Variants in SAMMSON observed in about 807,000 individuals in gnomAD.
SAMMSON encodes long intergenic non-protein coding RNA 1212.
chr3:70,388,402 A>G (rs879475622), intron 9 of SAMMSON, among the ~76,000 whole-genome samples: 1 of 151,834 alleles, frequency 6.6e-6, no homozygotes, highest in Non-Finnish European at 1.5e-5. Flanking sequence ...ACCCTTCTCT[A>G]AAAAAAACAG....
intron 2 of SAMMSON, among the ~76,000 whole-genome samples, chr3:70,413,414 A>G (rs914230109): frequency 1.3e-5 from 2 of 152,158 alleles, no homozygotes; most frequent in Non-Finnish European, 2.9e-5. Flanking sequence ...ATGCAAAGTC[A>G]CCCTGAAAAG....
intron 6 of SAMMSON, among the ~76,000 whole-genome samples, chr3:70,282,363 G>A (rs1702094352): frequency 1.3e-5 from 2 of 152,138 alleles, no homozygotes; most frequent in Admixed American, 6.5e-5. Flanking sequence ...ATGCTAATGT[G>A]TCTTAAACCT....
In SAMMSON at chr3:70,287,572, T is replaced by C. The variant is rs991278540; in HGVS notation, n.675-3607T>C. Among the ~76,000 whole-genome samples the C allele has an allele frequency of 1.8e-3, 275 of 152,212 alleles. 1 individual carries two copies. The highest frequency in any genetic ancestry group is 6.4e-3 in the African/African-American group (264 of 41,556). On this transcript the variant is annotated intron_variant and non_coding_transcript_variant, in intron 6 of 9. Coordinates refer to ENST00000642114, the Ensembl canonical transcript of SAMMSON. ...TGGTATCAGAATGATGCTGGCCTCA[T>C]AAAATGAGTGAGGGAGGATTCCCTC...
At chr3:70,002,899 C>T (rs1240281783) in intron 1 of SAMMSON, among the ~76,000 whole-genome samples, 2 of 152,190 alleles carry the variant, frequency 1.3e-5, no homozygotes, top group African/African-American at 2.4e-5. Flanking sequence ...AGATCTTTTA[C>T]ATCTATACTG....
At chr3:70,024,045 C>G (rs879562120) in intron 3 of SAMMSON, among the ~76,000 whole-genome samples, 1 of 152,090 alleles carries the variant, frequency 6.6e-6, no homozygotes, top group Non-Finnish European at 1.5e-5. Flanking sequence ...TGGTCTATCC[C>G]TAATTTCACA....
At chr3:70,324,476 A>G (rs1365733779) in intron 7 of SAMMSON, among the ~76,000 whole-genome samples, 1 of 151,932 alleles carries the variant, frequency 6.6e-6, no homozygotes, top group Non-Finnish European at 1.5e-5. Flanking sequence ...AACTGAAATC[A>G]TCCCCTCCCC....
rs2067100504 is a variant in SAMMSON at position 70,040,000 on chromosome 3, C to T, written n.417+26328C>T. ...GTTCTTGCAAAGCTCCTTTTAGTAA[C>T]CATTTATTTGTTAGTATGGCAACAT... is the stretch of plus-strand genomic sequence containing the variant. On this transcript the variant is annotated intron_variant and non_coding_transcript_variant, in intron 3 of 9. Transcript: ENST00000642114. 1.3e-5 allele frequency among the ~76,000 whole-genome samples: 2 copies of T among 152,068 alleles called. 1 individual carries two copies. Among genetic ancestry groups the T allele is most frequent in the Admixed American group, 1.3e-4 (2 of 15,254 alleles).
intron 4 of SAMMSON, among the ~76,000 whole-genome samples, chr3:70,123,298 G>T (rs1025141177): frequency 6.6e-6 from 1 of 152,140 alleles, no homozygotes; most frequent in African/African-American, 2.4e-5. Flanking sequence ...ATGAAGTCTC[G>T]CTCTGTTGCC....
chr3:70,126,991 A>C lies in SAMMSON; in HGVS notation n.507+55426A>C, dbSNP rs148333088. The C allele has an allele frequency of 5.4e-3, 819 of 152,970 alleles. 10 individuals are homozygous for C. Among genetic ancestry groups the C allele is most frequent in the African/African-American group, 0.019 (781 of 41,592 alleles). 9.5% of individuals were successfully genotyped at this position (152,970 alleles called of 1,614,324 possible). On this transcript the variant is annotated intron_variant and non_coding_transcript_variant, in intron 4 of 9. Coordinates refer to ENST00000642114, the Ensembl canonical transcript of SAMMSON. Reference sequence around the variant, plus strand: ...TGGCCTTCCAAAGTACTGGGATTATAGGAGTTGGCCACTGTGCCTGGCCAA... The same window carrying C: ...TGGCCTTCCAAAGTACTGGGATTATCGGAGTTGGCCACTGTGCCTGGCCAA...
At chr3:70,387,213 T>A (rs1205292919) in intron 9 of SAMMSON, among the ~76,000 whole-genome samples, 6 of 152,066 alleles carry the variant, frequency 3.9e-5, no homozygotes, top group Non-Finnish European at 2.9e-5. Context: ...ATTGTCACAG[T>A]GTAGAAGGTT....
At chr3:70,417,760 G>A (rs1327492478) in intron 2 of SAMMSON, among the ~76,000 whole-genome samples, 1 of 152,048 alleles carries the variant, frequency 6.6e-6, no homozygotes, top group Admixed American at 6.6e-5. Flanking sequence ...GAGAGATTCT[G>A]TCTCTCTCCT....
intron 7 of SAMMSON, among the ~76,000 whole-genome samples, chr3:70,348,382 G>A (rs575627791): frequency 7.9e-5 from 12 of 152,248 alleles, no homozygotes; most frequent in East Asian, 3.9e-4. Context: ...GCAGAGGCTG[G>A]ATGCCTAAGG....
intron 4 of SAMMSON, among the ~76,000 whole-genome samples, chr3:70,158,410 T>C (rs541746284): frequency 2.6e-4 from 40 of 152,248 alleles, no homozygotes; most frequent in African/African-American, 8.4e-4. Flanking sequence ...TGTTGAATAG[T>C]ATTCTGTTGT....
chr3:70,297,090 T>C (rs1457070372), intron 7 of SAMMSON, among the ~76,000 whole-genome samples: 1 of 152,244 alleles, frequency 6.6e-6, no homozygotes, highest in East Asian at 1.9e-4. Flanking sequence ...AAAATGTTCT[T>C]TTGAAATGAT....
intron 7 of SAMMSON, among the ~76,000 whole-genome samples, chr3:70,340,598 G>T (rs76674908): frequency 6.6e-6 from 1 of 152,132 alleles, no homozygotes; most frequent in East Asian, 1.9e-4. Context: ...TTGTGTGTTA[G>T]GTATATGGTG....
At chr3:70,119,933 C>G (rs116249701) in intron 4 of SAMMSON, among the ~76,000 whole-genome samples, 11 of 151,954 alleles carry the variant, frequency 7.2e-5, no homozygotes, top group African/African-American at 2.7e-4. Context: ...TTAATAAATG[C>G]CCAGTGGATA....
At chr3:70,301,243 A>G (rs1313273037) in intron 7 of SAMMSON, among the ~76,000 whole-genome samples, 1 of 152,136 alleles carries the variant, frequency 6.6e-6, no homozygotes, top group Non-Finnish European at 1.5e-5. Flanking sequence ...TACTGAGTCC[A>G]TTAAAAACAA....
intron 6 of SAMMSON, among the ~76,000 whole-genome samples, chr3:70,268,385 G>A (rs1410473864): frequency 6.9e-6 from 1 of 145,550 alleles, no homozygotes; most frequent in African/African-American, 2.6e-5. Flanking sequence ...TGAAGCAGGA[G>A]AATCACTTGA....
intron 4 of SAMMSON, among the ~76,000 whole-genome samples, chr3:70,136,051 T>G (rs1283462104): frequency 6.6e-6 from 1 of 151,892 alleles, no homozygotes; most frequent in Non-Finnish European, 1.5e-5. Flanking sequence ...CCACACAAAA[T>G]TGGAATATTT....
Sources: allele counts gnomAD v4.1 joint callset (sites outside exome capture counted in the v4.1 genomes callset), GRCh38; gene constraint gnomAD v4.1.1; transcripts MANE v1.5; gene names NCBI Gene and HGNC (gene_info 2026-07-23, HGNC 2026-07-21).